The following TSHZ3 variants were observed in gnomAD, a reference collection of about 807,000 sequenced individuals.
TSHZ3 encodes teashirt homolog 3.
Under a neutral mutation model 64.5 loss-of-function variants are expected in TSHZ3, and 10 were observed. The observed-to-expected ratio is 0.16, with a 90% CI of 0.10 to 0.26. The LOEUF (loss-of-function observed/expected upper bound fraction) is 0.26. Among genes scored for constraint, TSHZ3 ranks in the 10% least tolerant of loss-of-function variants. TSHZ3 has a pLI of 1.00. For missense variants in TSHZ3, 1,242 were observed against 1,421.7 expected, an observed-to-expected ratio of 0.87 and a Z score of 2.03; for synonymous variants, 608 against 593.1, an observed-to-expected ratio of 1.03 and a Z score of -0.36.
At chr19:31,313,499 G>A (rs975014676) in intron 1 of TSHZ3, among the ~76,000 whole-genome samples, 2 of 152,176 alleles carry the variant, frequency 1.3e-5, no homozygotes, top group Admixed American at 1.3e-4. Flanking sequence ...ACCTGGCAGG[G>A]ACTAGGGTGG....
At chr19:31,349,495 G>A, upstream of TSHZ3, 1 of 369,450 alleles carries the variant, frequency 2.7e-6, no homozygotes, top group Non-Finnish European at 4.8e-6. Flanking sequence ...GGAGGCAGAG[G>A]AGGAGGAGGT....
chr19:31,280,407 G>A (rs1162559422), intron 1 of TSHZ3, among the ~76,000 whole-genome samples: 2 of 151,650 alleles, frequency 1.3e-5, no homozygotes, highest in African/African-American at 4.8e-5. Context: ...TTCCTGGCAG[G>A]GATAGGTGTG....
At chr19:31,245,443 C>A (rs1272320092) in intron 1 of TSHZ3, among the ~76,000 whole-genome samples, 2 of 152,170 alleles carry the variant, frequency 1.3e-5, no homozygotes, top group Non-Finnish European at 2.9e-5. Flanking sequence ...TTGATGCTTA[C>A]AAGGTTTCAG....
chr19:31,244,849 G>T lies in TSHZ3; in HGVS notation n.64-1974C>A, dbSNP rs927026759. On this transcript the variant is annotated intron_variant and non_coding_transcript_variant, in intron 1 of 6. Coordinates refer to the TSHZ3 transcript ENST00000651361. ...TGTAGAGACAGGTTTTCACCATTTT[G>T]CCCAGGCTGGTCTTGAACTCTTGGG... Among the ~76,000 whole-genome samples the T allele has an allele frequency of 1.2e-4, 19 of 152,072 alleles. 1 individual carries two copies. Among genetic ancestry groups the T allele is most frequent in the African/African-American group, 7.2e-5 (3 of 41,394 alleles).
At chr19:31,187,015 T>C (rs1270067364) in intron 5 of TSHZ3, among the ~76,000 whole-genome samples, 9 of 152,140 alleles carry the variant, frequency 5.9e-5, no homozygotes, top group African/African-American at 2.2e-4. Flanking sequence ...TATATTTTAT[T>C]CTTTTATTAA....
intron 5 of TSHZ3, among the ~76,000 whole-genome samples, chr19:31,200,776 T>C (rs1312116377): frequency 6.6e-6 from 1 of 152,178 alleles, no homozygotes; most frequent in Non-Finnish European, 1.5e-5. Context: ...AACAAATGCA[T>C]GCACCACCAC....
downstream of TSHZ3, among the ~76,000 whole-genome samples, chr19:31,270,935 A>G (rs1014186830): frequency 2.0e-5 from 3 of 152,206 alleles, no homozygotes; most frequent in Admixed American, 6.5e-5. Flanking sequence ...GCAGAAAAGC[A>G]GTGTCTCTGA....
At chr19:31,210,492 C>A (rs1199729191) in intron 4 of TSHZ3, among the ~76,000 whole-genome samples, 1 of 152,132 alleles carries the variant, frequency 6.6e-6, no homozygotes, top group Non-Finnish European at 1.5e-5. Flanking sequence ...GATCTCCTTT[C>A]TTCTGTGTCT....
At chr19:31,151,315 T>C (rs760347513) in exon 7 of TSHZ3, among the ~76,000 whole-genome samples, 5 of 152,126 alleles carry the variant, frequency 3.3e-5, no homozygotes, top group Non-Finnish European at 5.9e-5. Flanking sequence ...GTACATTCTT[T>C]ACAGGCCTGG....
At chr19:31,295,507 G>T (rs938631207) in intron 1 of TSHZ3, among the ~76,000 whole-genome samples, 1 of 152,194 alleles carries the variant, frequency 6.6e-6, no homozygotes, top group South Asian at 2.1e-4. Context: ...AACAACATGG[G>T]AGGATCACAG....
intron 6 of TSHZ3, among the ~76,000 whole-genome samples, chr19:31,155,710 C>T (rs1599550846): frequency 6.6e-6 from 1 of 152,166 alleles, no homozygotes; most frequent in Non-Finnish European, 1.5e-5. Context: ...TTCTCGCCTT[C>T]GTCTGCCCCT....
At position 31,279,331 on chromosome 19, in the gene TSHZ3, A is replaced by G. The variant is rs1555733053; in HGVS notation, c.462T>C (p.Ser154=). The stretch of plus-strand genomic sequence containing the variant: ...CGCTGCCACAGCTGCTGCTGCTGCT[A>G]CTGCTGCTGCTGCTGCTGCCGTTGT... The part of the protein sequence containing the change: ...EKNNGSSSSS[S]SSSSSCGSGS... Residue 154 remains serine, a synonymous_variant, in exon 2 of 2, where the codon AGT becomes AGC. Transcript: ENST00000240587. The surrounding 1 kb of genome is among the most constrained non-coding windows in gnomAD (Gnocchi z 6.4). 5 of 1,612,474 alleles carry G rather than the reference A, an allele frequency of 3.1e-6. No homozygotes were observed. The Admixed American group carries it at 8.3e-5, about 27-fold the overall frequency.
chr19:31,272,653 T>G (rs1344082315), downstream of TSHZ3, among the ~76,000 whole-genome samples: 1 of 152,202 alleles, frequency 6.6e-6, no homozygotes, highest in Non-Finnish European at 1.5e-5. Context: ...GCATATTGAT[T>G]TCTTGTTGTG....
At chr19:31,183,225 TCTTTCTC>T (rs1974750345) in intron 5 of TSHZ3, among the ~76,000 whole-genome samples, 1 of 17,640 alleles carries the variant, frequency 5.7e-5, no homozygotes, top group Non-Finnish European at 1.3e-4. Context: ...TCTCTCTCTC[TCTTTCTC>T]TCTCTCTCTC....
intron 1 of TSHZ3, among the ~76,000 whole-genome samples, chr19:31,251,978 G>C (rs997897877): frequency 6.6e-6 from 1 of 152,200 alleles, no homozygotes; most frequent in Non-Finnish European, 1.5e-5. Context: ...GGCTGGAAGT[G>C]CATGGTTTTC....
intron 5 of TSHZ3, among the ~76,000 whole-genome samples, chr19:31,168,547 G>T (rs796419939): frequency 1.8e-4 from 28 of 152,288 alleles, no homozygotes; most frequent in African/African-American, 6.5e-4. Flanking sequence ...TTGGAAAATG[G>T]CAAACACCAT....
chr19:31,341,433 C>A (rs1917430180), intron 1 of TSHZ3, among the ~76,000 whole-genome samples: 1 of 152,038 alleles, frequency 6.6e-6, no homozygotes, highest in East Asian at 1.9e-4. Context: ...AGGTTTCAGT[C>A]CAACAGGCAA....
chr19:31,164,785 C>A (rs563176250), intron 5 of TSHZ3, among the ~76,000 whole-genome samples: 4 of 152,218 alleles, frequency 2.6e-5, no homozygotes, highest in East Asian at 1.9e-4. Context: ...TCCTTTCCCC[C>A]CTTTGTGGCT....
At chr19:31,194,368 C>A (rs1440015540) in intron 5 of TSHZ3, among the ~76,000 whole-genome samples, 4 of 152,130 alleles carry the variant, frequency 2.6e-5, no homozygotes, top group Admixed American at 6.5e-5. Context: ...ACAAGGTCTG[C>A]CCTTAGGAGA....
Sources: allele counts gnomAD v4.1 joint callset (sites outside exome capture counted in the v4.1 genomes callset), GRCh38; gene constraint gnomAD v4.1.1; non-coding constraint Gnocchi (gnomAD v3.1); transcripts MANE v1.5; gene names NCBI Gene and HGNC (gene_info 2026-07-23, HGNC 2026-07-21).